The following PTPRG variants were observed in gnomAD, a reference collection of about 807,000 sequenced individuals.
The protein encoded by PTPRG is protein tyrosine phosphatase receptor type G.
A neutral mutation model predicts 165.3 loss-of-function variants in PTPRG; 102 were observed. The observed-to-expected ratio is 0.62, with a 90% CI of 0.53 to 0.73. The LOEUF (loss-of-function observed/expected upper bound fraction) is 0.73, where lower values mean the gene tolerates loss of function less well. Among genes scored for constraint, PTPRG ranks in the 30% least tolerant of loss-of-function variants. The pLI is 0.00. For missense variants in PTPRG, 1,866 were observed against 1,861.4 expected (o/e 1.00, Z -0.05); for synonymous variants, 675 against 669.5 (o/e 1.01, Z -0.13).
intron 5 of PTPRG, among the ~76,000 whole-genome samples, chr3:62,078,922 C>A (rs976428073): frequency 2.0e-5 from 3 of 151,980 alleles, no homozygotes; most frequent in African/African-American, 7.3e-5. Flanking sequence ...GACCAACTTG[C>A]CTGTAGGAGA....
intron 2 of PTPRG, among the ~76,000 whole-genome samples, chr3:61,753,331 G>A (rs2033516063): frequency 6.6e-6 from 1 of 152,060 alleles, no homozygotes; most frequent in South Asian, 2.1e-4. Context: ...ATATAGAATT[G>A]TACTGAAAAA....
chr3:61,633,144 T>G (rs941108855), intron 1 of PTPRG, among the ~76,000 whole-genome samples: 3 of 152,218 alleles, frequency 2.0e-5, no homozygotes, highest in Non-Finnish European at 4.4e-5. Context: ...TCTTCTCTGT[T>G]TTATGTTTGT....
chr3:61,719,684 A>T (rs554026723), intron 1 of PTPRG, among the ~76,000 whole-genome samples: 1 of 152,278 alleles, frequency 6.6e-6, no homozygotes, highest in Non-Finnish European at 1.5e-5. Context: ...TATGTTAATC[A>T]ATTCTGAAGT....
chr3:62,013,764 C>T (rs2041480375), intron 4 of PTPRG, among the ~76,000 whole-genome samples: 2 of 151,596 alleles, frequency 1.3e-5, no homozygotes, highest in South Asian at 2.1e-4. Context: ...AAAGGCTTCA[C>T]TTAGATGCTG....
intron 2 of PTPRG, among the ~76,000 whole-genome samples, chr3:61,940,017 G>A (rs924849021): frequency 8.2e-6 from 1 of 122,432 alleles, no homozygotes; most frequent in African/African-American, 3.1e-5. Context: ...ACCTATCTCA[G>A]CTCACTGCAA....
intron 6 of PTPRG, among the ~76,000 whole-genome samples, chr3:62,148,765 A>AAAATAAAT (rs61021514): frequency 9.2e-5 from 14 of 151,780 alleles, no homozygotes; most frequent in Admixed American, 2.6e-4. Context: ...CCGTCTCCAC[A>AAAATAAAT]AAATAAATAA....
intron 1 of PTPRG, among the ~76,000 whole-genome samples, chr3:61,686,281 CAGAT>C (rs1358910697): frequency 2.3e-4 from 35 of 152,158 alleles, no homozygotes; most frequent in Admixed American, 2.3e-3. Flanking sequence ...TGTCATGTGA[CAGAT>C]AGAGCTGGAG....
chr3:62,112,900 G>A (rs888410405), intron 5 of PTPRG, among the ~76,000 whole-genome samples: 2 of 152,148 alleles, frequency 1.3e-5, no homozygotes, highest in South Asian at 2.1e-4. Context: ...CTTCTTCTGC[G>A]ACTGTTTCTT....
intron 2 of PTPRG, among the ~76,000 whole-genome samples, chr3:61,894,148 G>C (rs764282420): frequency 6.6e-6 from 1 of 151,696 alleles, no homozygotes; most frequent in Non-Finnish European, 1.5e-5. Flanking sequence ...TACTAAAAAT[G>C]CAAAAATCAG....
In PTPRG at chr3:62,203,410, C is replaced by G. The variant is rs780597070; in HGVS notation, c.1615C>G (p.Pro539Ala). The G allele has an allele frequency of 6.2e-7, 1 of 1,610,774 alleles. No individual in the cohort carries two copies. The highest frequency in any genetic ancestry group is 2.2e-5 in the East Asian group (1 of 44,726). Reference protein sequence around the residue: ...FPSTVWPTRLPTAASASKQAA... With the variant: ...FPSTVWPTRLATAASASKQAA... The stretch of plus-strand genomic sequence containing the variant: ...CAGCACTGTGTGGCCCACGCGCCTC[C>G]CGACGGCCGCCTCAGCCAGCAAGCA... The change falls in exon 12 of 30, where the codon CCG becomes GCG. Residue 539 changes from proline (P) to alanine (A), a missense_variant. Around this residue, in one of 3 missense-constraint regions of PTPRG, gnomAD observed 1,452 missense variants for 1,463.0 expected, o/e 0.99. Transcript: ENST00000474889. This position sits in a 1 kb window ranked among gnomAD's most constrained non-coding sequence, Gnocchi z 6.4.
At chr3:62,110,754 G>A (rs1438851475) in intron 5 of PTPRG, among the ~76,000 whole-genome samples, 1 of 152,148 alleles carries the variant, frequency 6.6e-6, no homozygotes, top group Non-Finnish European at 1.5e-5. Flanking sequence ...GCGTTCATTT[G>A]TCTTTTCAAT....
chr3:61,671,164 T>C (rs1433297371), intron 1 of PTPRG, among the ~76,000 whole-genome samples: 1 of 145,718 alleles, frequency 6.9e-6, no homozygotes, highest in Non-Finnish European at 1.5e-5. Context: ...TTTTAATTGA[T>C]CATTCTTGGG....
chr3:62,044,111 C>A (rs1374255829), intron 4 of PTPRG, among the ~76,000 whole-genome samples: 1 of 152,248 alleles, frequency 6.6e-6, no homozygotes, highest in Non-Finnish European at 1.5e-5. Flanking sequence ...GCCACAATCT[C>A]AAATGCTTGG....
At chr3:62,121,817 GGA>G (rs1559533111) in intron 5 of PTPRG, among the ~76,000 whole-genome samples, 2 of 152,186 alleles carry the variant, frequency 1.3e-5, no homozygotes, top group Non-Finnish European at 1.5e-5. Flanking sequence ...TTTTCTCAGA[GGA>G]GAGAGAGTTG....
rs1163750058 is a variant in PTPRG, at chr3:62,190,288, C to G, written c.1034-1181C>G. ...CTGCTATACAGTACACAGGACAGTC[C>G]CCAAGAGCAAGGCATTGTCTAGCTC... On this transcript the variant is annotated intron_variant, in intron 8 of 29. Transcript: ENST00000474889. The surrounding 1 kb of genome is among the most constrained non-coding windows in gnomAD (Gnocchi z 5.2). Among the ~76,000 whole-genome samples the G allele has an allele frequency of 1.3e-5, 2 of 152,108 alleles. No individual in the cohort carries two copies. Among genetic ancestry groups the G allele is most frequent in the Non-Finnish European group, 2.9e-5 (2 of 68,034 alleles).
At chr3:61,714,640 G>A (rs2031722338) in intron 1 of PTPRG, among the ~76,000 whole-genome samples, 1 of 152,156 alleles carries the variant, frequency 6.6e-6, no homozygotes, top group Non-Finnish European at 1.5e-5. Context: ...AGAGAAAGGT[G>A]GGGCCTTTTA....
At chr3:62,208,441 C>CT (rs1166880349) in intron 12 of PTPRG, among the ~76,000 whole-genome samples, 5 of 152,146 alleles carry the variant, frequency 3.3e-5, no homozygotes, top group African/African-American at 1.2e-4. Context: ...TAGGGAAACT[C>CT]TTTTTTCAGG....
intron 14 of PTPRG, 23 bp downstream of exon 14, chr3:62,231,334 T>TG (rs763209275): frequency 2.0e-6 from 3 of 1,532,078 alleles, no homozygotes; most frequent in Non-Finnish European, 1.8e-6. Flanking sequence ...CAAGCTTAAG[T>TG]GGGGGGCGTC....
chr3:61,638,952 A>G (rs534580964), intron 1 of PTPRG, among the ~76,000 whole-genome samples: 1 of 152,080 alleles, frequency 6.6e-6, no homozygotes, highest in South Asian at 2.1e-4. Flanking sequence ...TTTTATTGCA[A>G]TTGCTTTTGA....
Sources: allele counts gnomAD v4.1 joint callset (sites outside exome capture counted in the v4.1 genomes callset), GRCh38; gene constraint gnomAD v4.1.1; regional missense constraint gnomAD v4.1.1; non-coding constraint Gnocchi (gnomAD v3.1); transcripts MANE v1.5; gene names NCBI Gene and HGNC (gene_info 2026-07-23, HGNC 2026-07-21).